The following ZNF407 variants were observed in gnomAD, a reference collection of about 807,000 sequenced individuals.
ZNF407 encodes zinc finger protein 407.
In ZNF407, 17 loss-of-function variants were observed where a neutral mutation model predicts 131.2. That is an observed-to-expected ratio of 0.13 (90% CI 0.09 to 0.19). The LOEUF is 0.19. Ranked by LOEUF, ZNF407 falls within the 10% of genes least tolerant of loss-of-function variation. ZNF407 has a pLI of 1.00. For synonymous variants in ZNF407, 1,156 were observed against 1,062.0 expected (o/e 1.09, Z -1.72); for missense variants, 2,681 against 2,830.6 (o/e 0.95, Z 1.20).
At chr18:74,988,891 C>T (rs928423141) in intron 8 of ZNF407, among the ~76,000 whole-genome samples, 2 of 152,086 alleles carry the variant, frequency 1.3e-5, no homozygotes, top group African/African-American at 4.8e-5. Flanking sequence ...AATGGTACAG[C>T]CACTTTACAA....
intron 3 of ZNF407, among the ~76,000 whole-genome samples, chr18:74,652,703 T>C (rs1985282257): frequency 6.6e-6 from 1 of 151,908 alleles, no homozygotes; most frequent in African/African-American, 2.4e-5. Flanking sequence ...CCCGAGGTGC[T>C]TCCTCCCTTG....
rs978574715 is a variant in ZNF407 at position 74,600,065 on chromosome 18, T to C, written c.-54+2128T>C. Reference sequence around the variant, plus strand: ...CACTAGAGTAAAATGATGAACAAGATAGTGGGGAATATAGACAAGCAAATG... The same window carrying C: ...CACTAGAGTAAAATGATGAACAAGACAGTGGGGAATATAGACAAGCAAATG... On this transcript the variant is annotated intron_variant, in intron 1 of 8. Coordinates refer to ENST00000299687, the MANE Select transcript of ZNF407 (RefSeq NM_017757.3). Among the ~76,000 whole-genome samples, 4 of 152,192 alleles carry C rather than the reference T, an allele frequency of 2.6e-5. 1 individual carries two copies. The highest frequency in any genetic ancestry group is 4.8e-5 in the African/African-American group (2 of 41,446).
intron 8 of ZNF407, among the ~76,000 whole-genome samples, chr18:74,996,337 C>G (rs954267047): frequency 6.6e-6 from 1 of 152,186 alleles, no homozygotes; most frequent in African/African-American, 2.4e-5. Context: ...AGTTAGTCAC[C>G]TTCCTTGATT....
chr18:74,633,838 C>T lies in ZNF407; in HGVS notation c.2819C>T (p.Thr940Ile), dbSNP rs778653843. ...AGKKNAGSAV[T>I]MSDEHANKPA... is the part of the protein sequence containing the mutation. The stretch of plus-strand genomic sequence containing the variant: ...AAAAAGAATGCTGGCTCAGCAGTGA[C>T]CATGTCAGATGAACATGCTAACAAA... The change falls in exon 2 of 9, where the codon ACC (threonine) becomes ATC (isoleucine). Residue 940 changes from threonine to isoleucine, a missense_variant. Thr to Ile is a moderately conservative substitution (Grantham distance 89, BLOSUM62 -1). Transcript: ENST00000299687. The T allele has an allele frequency of 1.9e-6, 3 of 1,613,804 alleles. No homozygotes were observed. Among genetic ancestry groups the T allele is most frequent in the Admixed American group, 1.7e-5 (1 of 59,994 alleles).
At chr18:74,791,734 C>T (rs1413945264) in intron 4 of ZNF407, among the ~76,000 whole-genome samples, 1 of 152,092 alleles carries the variant, frequency 6.6e-6, no homozygotes, top group African/African-American at 2.4e-5. Context: ...GATTTAGCAG[C>T]ATTCTATTTT....
chr18:74,787,865 A>G (rs950811982), intron 4 of ZNF407, among the ~76,000 whole-genome samples: 2 of 152,238 alleles, frequency 1.3e-5, no homozygotes, highest in African/African-American at 4.8e-5. Context: ...AAGTAACCTC[A>G]TAAAAGTTAC....
intron 4 of ZNF407, among the ~76,000 whole-genome samples, chr18:74,788,215 C>G (rs1340742101): frequency 1.3e-5 from 2 of 152,098 alleles, no homozygotes; most frequent in Non-Finnish European, 2.9e-5. Flanking sequence ...TAAAAACCTC[C>G]CATAAATCAA....
intron 8 of ZNF407, among the ~76,000 whole-genome samples, chr18:74,981,308 A>G (rs757292466): frequency 3.9e-5 from 6 of 152,210 alleles, no homozygotes; most frequent in Non-Finnish European, 7.3e-5. Context: ...GGCAGCCGGA[A>G]AGTGCGTCTA....
intron 1 of ZNF407, among the ~76,000 whole-genome samples, chr18:74,618,318 C>T (rs1300843143): frequency 6.6e-6 from 1 of 152,158 alleles, no homozygotes; most frequent in Non-Finnish European, 1.5e-5. Flanking sequence ...TACTAAAGAC[C>T]AAGTTCTCCA....
At chr18:74,706,337 T>C (rs1479725588) in intron 3 of ZNF407, among the ~76,000 whole-genome samples, 1 of 152,234 alleles carries the variant, frequency 6.6e-6, no homozygotes, top group African/African-American at 2.4e-5. Context: ...TGAGAAATGT[T>C]GTATTCATTG....
chr18:74,655,161 A>G (rs1985397540), intron 3 of ZNF407, among the ~76,000 whole-genome samples: 1 of 152,006 alleles, frequency 6.6e-6, no homozygotes. Flanking sequence ...AATCCTTAAT[A>G]TATTCTGTAA....
At chr18:75,015,837 G>C (rs778746055) in intron 8 of ZNF407, among the ~76,000 whole-genome samples, 1 of 151,838 alleles carries the variant, frequency 6.6e-6, no homozygotes, top group Non-Finnish European at 1.5e-5. Flanking sequence ...AATGTGACAG[G>C]CTTTACAGAT....
At chr18:74,608,463 C>T (rs993909037) in intron 1 of ZNF407, among the ~76,000 whole-genome samples, 13 of 151,710 alleles carry the variant, frequency 8.6e-5, no homozygotes, top group African/African-American at 2.9e-4. Flanking sequence ...TCTTCTGCCT[C>T]GGCCTCCTGA....
intron 3 of ZNF407, among the ~76,000 whole-genome samples, chr18:74,688,904 C>A (rs955491059): frequency 2.0e-5 from 3 of 152,108 alleles, no homozygotes; most frequent in Non-Finnish European, 2.9e-5. Flanking sequence ...TCTTGGCTCA[C>A]TGCAACCTCT....
intron 3 of ZNF407, among the ~76,000 whole-genome samples, chr18:74,668,148 A>G (rs1010992506): frequency 9.2e-5 from 14 of 152,060 alleles, no homozygotes; most frequent in Admixed American, 2.0e-4. Flanking sequence ...CCCGGGGAAC[A>G]TTTTCCACCT....
intron 4 of ZNF407, among the ~76,000 whole-genome samples, chr18:74,866,337 T>C (rs138464429): frequency 1.6e-3 from 248 of 152,296 alleles, no homozygotes; most frequent in Middle Eastern, 0.014. Context: ...TACTGGGTAA[T>C]ACATCTCAAC....
chr18:74,980,430 G>A (rs1018103191), intron 8 of ZNF407, among the ~76,000 whole-genome samples: 1 of 151,876 alleles, frequency 6.6e-6, no homozygotes, highest in Non-Finnish European at 1.5e-5. Context: ...TCAGCCTCCC[G>A]AGTAGCTGGG....
intron 4 of ZNF407, among the ~76,000 whole-genome samples, chr18:74,836,637 C>G (rs1970563516): frequency 6.6e-6 from 1 of 152,184 alleles, no homozygotes; most frequent in African/African-American, 2.4e-5. Flanking sequence ...TTACAGATCT[C>G]TTTAGGTGTT....
intron 3 of ZNF407, among the ~76,000 whole-genome samples, chr18:74,661,112 A>G (rs1318318228): frequency 6.6e-6 from 1 of 152,170 alleles, no homozygotes; most frequent in Admixed American, 6.5e-5. Flanking sequence ...CACAAGAAGA[A>G]TTGTAATAAA....
Sources: allele counts gnomAD v4.1 joint callset (sites outside exome capture counted in the v4.1 genomes callset), GRCh38; gene constraint gnomAD v4.1.1; transcripts MANE v1.5; gene names NCBI Gene and HGNC (gene_info 2026-07-23, HGNC 2026-07-21).